Variants in DLGAP1 observed in about 807,000 individuals in gnomAD.
DLGAP1 encodes disks large-associated protein 1.
Under a neutral mutation model 90.8 loss-of-function variants are expected in DLGAP1, and 11 were observed. That is an observed-to-expected ratio of 0.12 (90% CI 0.08 to 0.20). DLGAP1 has a LOEUF of 0.20. DLGAP1 is among the 10% of genes least tolerant of loss of function. The pLI is 1.00. For synonymous variants in DLGAP1, 558 were observed against 540.7 expected (o/e 1.03, Z -0.44); for missense variants, 1,050 against 1,333.8 (o/e 0.79, Z 3.31).
chr18:3,746,837 T>C (rs4239322), intron 5 of DLGAP1, among the ~76,000 whole-genome samples: 38,944 of 152,090 alleles, frequency 0.26, 5,254 homozygotes, highest in Middle Eastern at 0.39. Flanking sequence ...ATATTCCCTA[T>C]ATTCTAAGTG....
chr18:4,451,198 G>A lies in DLGAP1; in HGVS notation c.-267+3808C>T, dbSNP rs529280739. Among the ~76,000 whole-genome samples the A allele has an allele frequency of 3.9e-5, 6 of 152,252 alleles. No homozygotes were observed. In the East Asian group the frequency reaches 7.7e-4, roughly 20 times the overall value. On this transcript the variant is annotated intron_variant, in intron 1 of 12. Coordinates refer to ENST00000315677, the MANE Select transcript of DLGAP1 (RefSeq NM_004746.4). ...GGATGGGAAATGGTTGGGTCAACACGGCTCCTGTGCAATACCAACCTCTGT... is the reference window on the plus strand; with the variant it reads ...GGATGGGAAATGGTTGGGTCAACACAGCTCCTGTGCAATACCAACCTCTGT...
chr18:3,748,077 T>C (rs372002573), intron 5 of DLGAP1, among the ~76,000 whole-genome samples: 18 of 152,384 alleles, frequency 1.2e-4, no homozygotes, highest in African/African-American at 4.3e-4. Flanking sequence ...AATGTTGGTC[T>C]AACGAAATGG....
Position 4,336,925 on chromosome 18 carries a change from C to G in DLGAP1, c.-267+118081G>C, listed in dbSNP as rs1307016908. Reference sequence around the variant, plus strand: ...ACCATCCTGGCTAACACAGTGAAACCCCGTCTCTACTGAAAATACAAAAAA... The same window carrying G: ...ACCATCCTGGCTAACACAGTGAAACGCCGTCTCTACTGAAAATACAAAAAA... On this transcript the variant is annotated intron_variant, in intron 1 of 12. Coordinates refer to ENST00000315677, the MANE Select transcript of DLGAP1 (RefSeq NM_004746.4). Among the ~76,000 whole-genome samples, 3 of 132,014 alleles carry G rather than the reference C, an allele frequency of 2.3e-5. No homozygotes were observed. In the East Asian group the frequency reaches 6.6e-4, roughly 29 times the overall value. 86.6% of individuals were successfully genotyped at this position (132,014 alleles called of 152,430 possible).
chr18:4,160,728 C>T (rs1266097536), intron 1 of DLGAP1, among the ~76,000 whole-genome samples: 2 of 152,178 alleles, frequency 1.3e-5, no homozygotes, highest in Non-Finnish European at 2.9e-5. Flanking sequence ...GTGTTTGCCT[C>T]AAGTCAAATG....
chr18:3,764,372 G>A (rs1478989498), intron 5 of DLGAP1, among the ~76,000 whole-genome samples: 1 of 152,170 alleles, frequency 6.6e-6, no homozygotes, highest in Non-Finnish European at 1.5e-5. Context: ...AGTGATCAGT[G>A]AGTTGGCTCA....
intron 1 of DLGAP1, among the ~76,000 whole-genome samples, chr18:4,369,658 C>A (rs2081868775): frequency 6.6e-6 from 1 of 151,500 alleles, no homozygotes; most frequent in Admixed American, 6.6e-5. Flanking sequence ...TGGGCCCAGG[C>A]TCTCGGGGAA....
intron 9 of DLGAP1, among the ~76,000 whole-genome samples, chr18:3,544,114 G>A (rs1322104171): frequency 3.3e-5 from 5 of 152,296 alleles, no homozygotes; most frequent in African/African-American, 4.8e-5. Context: ...AGTAGGCCGG[G>A]CACGGTGGCT....
intron 2 of DLGAP1, among the ~76,000 whole-genome samples, chr18:4,017,989 T>A (rs2074550220): frequency 6.6e-6 from 1 of 152,172 alleles, no homozygotes; most frequent in South Asian, 2.1e-4. Flanking sequence ...TCTCTTTAAG[T>A]ATAATCTGGA....
intron 7 of DLGAP1, among the ~76,000 whole-genome samples, chr18:3,672,765 C>G (rs182580948): frequency 1.3e-5 from 2 of 151,954 alleles, no homozygotes; most frequent in Admixed American, 6.5e-5. Context: ...ATAGTGGTGG[C>G]GAGCACATGT....
intron 3 of DLGAP1, among the ~76,000 whole-genome samples, chr18:3,911,820 C>G (rs1475988624): frequency 6.6e-6 from 1 of 152,220 alleles, no homozygotes; most frequent in Non-Finnish European, 1.5e-5. Flanking sequence ...GATACATCTA[C>G]TTAGCTGCTA....
At chr18:3,835,004 A>G (rs2068287038) in intron 4 of DLGAP1, among the ~76,000 whole-genome samples, 1 of 152,204 alleles carries the variant, frequency 6.6e-6, no homozygotes, top group Non-Finnish European at 1.5e-5. Context: ...AAGAATCGTC[A>G]TTACAGATTA....
intron 2 of DLGAP1, among the ~76,000 whole-genome samples, chr18:4,033,882 G>C (rs1198529948): frequency 1.3e-5 from 2 of 151,090 alleles, no homozygotes; most frequent in Admixed American, 1.3e-4. Context: ...GGGACTACAG[G>C]TGCGTGCCAC....
intron 1 of DLGAP1, among the ~76,000 whole-genome samples, chr18:4,278,524 G>C (rs1425148375): frequency 6.6e-6 from 1 of 152,128 alleles, no homozygotes; most frequent in Non-Finnish European, 1.5e-5. Flanking sequence ...TTTTAAGTGA[G>C]ATCAGGCAGT....
intron 1 of DLGAP1, among the ~76,000 whole-genome samples, chr18:4,361,000 G>A (rs1332571211): frequency 2.0e-5 from 3 of 151,832 alleles, no homozygotes; most frequent in Non-Finnish European, 2.9e-5. Flanking sequence ...GTTATGAAAA[G>A]AGTCAAAAGA....
In DLGAP1 at chr18:4,352,677, A is replaced by G. The variant is rs28658043; in HGVS notation, c.-267+102329T>C. Among the ~76,000 whole-genome samples, 376 of 152,224 alleles carry G rather than the reference A, an allele frequency of 2.5e-3. 2 individuals are homozygous for G. Among genetic ancestry groups the G allele is most frequent in the African/African-American group, 8.7e-3 (361 of 41,544 alleles). ...CCATAACGTTTCTGTTTGAATTAAG[A>G]AAAGCTAACATTTCCCCACCCAGGA... On this transcript the variant is annotated intron_variant, in intron 1 of 12. Transcript: ENST00000315677.
intron 7 of DLGAP1, among the ~76,000 whole-genome samples, chr18:3,728,851 G>T (rs2062296746): frequency 6.6e-6 from 1 of 152,166 alleles, no homozygotes; most frequent in Non-Finnish European, 1.5e-5. Context: ...CCTGTGTGGG[G>T]ATCTTGGAAG....
At chr18:4,348,745 A>G (rs2081351157) in intron 1 of DLGAP1, among the ~76,000 whole-genome samples, 1 of 152,114 alleles carries the variant, frequency 6.6e-6, no homozygotes, top group Non-Finnish European at 1.5e-5. Flanking sequence ...GTCACCCTGA[A>G]GGAGCCCCCA....
intron 1 of DLGAP1, among the ~76,000 whole-genome samples, chr18:4,394,760 G>T (rs1371234140): frequency 1.3e-5 from 2 of 152,186 alleles, no homozygotes; most frequent in Admixed American, 1.3e-4. Context: ...GATGATCACG[G>T]AAATTAGTAA....
At chr18:4,236,147 G>A (rs949654766) in intron 1 of DLGAP1, among the ~76,000 whole-genome samples, 1 of 152,126 alleles carries the variant, frequency 6.6e-6, no homozygotes, top group Non-Finnish European at 1.5e-5. Context: ...TCTGATCCTT[G>A]TTAACTTTAT....
Sources: allele counts gnomAD v4.1 joint callset (sites outside exome capture counted in the v4.1 genomes callset), GRCh38; gene constraint gnomAD v4.1.1; transcripts MANE v1.5; gene names NCBI Gene and HGNC (gene_info 2026-07-23, HGNC 2026-07-21).